Variants in UIMC1 observed in about 807,000 individuals in gnomAD.
The protein encoded by UIMC1 is ubiquitin interaction motif containing 1.
UIMC1 carries 42 observed loss-of-function variants against 84.9 expected under a neutral mutation model. That is an observed-to-expected ratio of 0.49 (90% CI 0.39 to 0.64). UIMC1 has a LOEUF of 0.64. Ranked by LOEUF, UIMC1 falls within the 30% of genes least tolerant of loss-of-function variation. UIMC1 has a pLI of 0.00. For missense variants in UIMC1, 825 were observed against 847.6 expected (o/e 0.97, Z 0.33); for synonymous variants, 281 against 293.0 (o/e 0.96, Z 0.42).
At chr5:176,931,934 A>G (rs537873349) in intron 10 of UIMC1, among the ~76,000 whole-genome samples, 1 of 152,250 alleles carries the variant, frequency 6.6e-6, no homozygotes, top group South Asian at 2.1e-4. Context: ...GATCGCACCA[A>G]TGCACTCCAG....
At chr5:176,946,623 T>C (rs1462576680) in intron 9 of UIMC1, among the ~76,000 whole-genome samples, 1 of 152,010 alleles carries the variant, frequency 6.6e-6, no homozygotes, top group African/African-American at 2.4e-5. Flanking sequence ...TCACTTGAGG[T>C]CAAGAGTTTG....
At chr5:177,005,576 GGT>G (rs1775135752) in intron 1 of UIMC1, among the ~76,000 whole-genome samples, 1 of 151,380 alleles carries the variant, frequency 6.6e-6, no homozygotes, top group Non-Finnish European at 1.5e-5. Context: ...CTGCGTCGTA[GGT>G]ATTCATATCA....
intron 10 of UIMC1, among the ~76,000 whole-genome samples, chr5:176,926,524 C>T (rs1762406875): frequency 6.6e-6 from 1 of 151,886 alleles, no homozygotes; most frequent in Non-Finnish European, 1.5e-5. Flanking sequence ...GCAGTCCTAG[C>T]TACTAGGGAG....
chr5:176,985,518 G>A (rs759851855), intron 1 of UIMC1, among the ~76,000 whole-genome samples: 1 of 150,696 alleles, frequency 6.6e-6, no homozygotes, highest in African/African-American at 2.4e-5. Flanking sequence ...TGAAATTTCA[G>A]TATCAATAAT....
In UIMC1 at chr5:176,906,015, A is replaced by C; in HGVS notation, c.1945T>G (p.Phe649Val). Residue 649 changes from phenylalanine (F) to valine (V), a missense_variant, in exon 14 of 15, where the codon TTC becomes GTC. Transcript: ENST00000511320. The stretch of plus-strand genomic sequence containing the variant: ...TCAGTGCACAATCCAATTCACCTGA[A>C]GGCTCCTGTTTCTGAAGACTTGATG... ...ADIKSSETGA[F>V]RVPSPGMEEA... 1 of 1,614,098 alleles carries C rather than the reference A, an allele frequency of 6.2e-7. No homozygotes were observed. Among genetic ancestry groups the C allele is most frequent in the Non-Finnish European group, 8.5e-7 (1 of 1,179,968 alleles).
chr5:176,946,877 T>TG (rs2149447915), intron 9 of UIMC1, among the ~76,000 whole-genome samples: 1 of 152,110 alleles, frequency 6.6e-6, no homozygotes, highest in East Asian at 1.9e-4. Context: ...AGCAGAAGGA[T>TG]GGCAGGGGGG....
intron 10 of UIMC1, among the ~76,000 whole-genome samples, chr5:176,933,941 A>C (rs1341685141): frequency 2.0e-5 from 3 of 152,182 alleles, no homozygotes; most frequent in Non-Finnish European, 4.4e-5. Flanking sequence ...CCAATCACCA[A>C]TCAGATTTAA....
chr5:177,013,265 G>C (rs906233353), intron 1 of UIMC1, among the ~76,000 whole-genome samples: 1 of 151,584 alleles, frequency 6.6e-6, no homozygotes, highest in Middle Eastern at 3.2e-3. Flanking sequence ...GAAGGCTGAG[G>C]CAGGAGAATC....
chr5:176,956,122 C>T, intron 7 of UIMC1, 87 bp from the exon 8 acceptor site: 1 of 1,207,770 alleles, frequency 8.3e-7, no homozygotes, highest in Non-Finnish European at 1.2e-6. Flanking sequence ...CTCACAAAGC[C>T]ACAGGTAATC....
At position 176,908,517 on chromosome 5, in the gene UIMC1, A is replaced by G. The variant is rs1485060943; in HGVS notation, c.1848+6T>C. ...GGTGGCCTTTCCCAAAACACTCTACACATACCTTTGGGTTCTTCAGCCTCT... is the reference window on the plus strand; with the variant it reads ...GGTGGCCTTTCCCAAAACACTCTACGCATACCTTTGGGTTCTTCAGCCTCT... On this transcript the variant is annotated splice_donor_region_variant and intron_variant, in intron 12 of 14. Coordinates refer to ENST00000511320, the MANE Select transcript of UIMC1 (RefSeq NM_001199298.2). 1.2e-6 allele frequency: 2 copies of G among 1,612,756 alleles called. No homozygotes were observed. The highest frequency in any genetic ancestry group is 2.2e-5 in the South Asian group (2 of 90,952).
At chr5:177,017,918 C>A (rs1233837271) in intron 1 of UIMC1, among the ~76,000 whole-genome samples, 1 of 152,030 alleles carries the variant, frequency 6.6e-6, no homozygotes, top group African/African-American at 2.4e-5. Flanking sequence ...TTCCAAAGTG[C>A]TGGGATTACA....
chr5:176,972,722 C>A (rs936286340), intron 3 of UIMC1, among the ~76,000 whole-genome samples: 1 of 152,072 alleles, frequency 6.6e-6, no homozygotes, highest in Non-Finnish European at 1.5e-5. Context: ...GGCGACAGAA[C>A]AAGACTCCAT....
intron 1 of UIMC1, among the ~76,000 whole-genome samples, chr5:176,994,178 C>T (rs1773267020): frequency 6.6e-6 from 1 of 151,686 alleles, no homozygotes. Context: ...TACACTCCAG[C>T]CTGAACAACA....
chr5:176,950,039 G>A (rs892960682), intron 9 of UIMC1, among the ~76,000 whole-genome samples: 6 of 148,616 alleles, frequency 4.0e-5, no homozygotes, highest in Non-Finnish European at 7.4e-5. Context: ...TGGCAGACAA[G>A]AGCAAGACTT....
intron 1 of UIMC1, among the ~76,000 whole-genome samples, chr5:177,013,041 A>G (rs1775584797): frequency 6.6e-6 from 1 of 150,978 alleles, no homozygotes. Flanking sequence ...TGATCTTACT[A>G]TTGCACTCTA....
At chr5:176,918,601 T>A (rs1297420833) in intron 10 of UIMC1, among the ~76,000 whole-genome samples, 1 of 152,210 alleles carries the variant, frequency 6.6e-6, no homozygotes, top group Non-Finnish European at 1.5e-5. Flanking sequence ...CAGGTGTCCA[T>A]TCTCTGTTCA....
intron 1 of UIMC1, among the ~76,000 whole-genome samples, chr5:176,997,892 G>C (rs1773871105): frequency 6.6e-6 from 1 of 151,998 alleles, no homozygotes; most frequent in Non-Finnish European, 1.5e-5. Flanking sequence ...CTTATGAATG[G>C]AAGATTCCCC....
chr5:176,969,890 C>CT, intron 4 of UIMC1, 184 bp from the exon 5 acceptor site: 1 of 565,372 alleles, frequency 1.8e-6, no homozygotes, highest in Admixed American at 3.0e-5. Context: ...TACTAGATCA[C>CT]TATACTAAAC....
At chr5:176,997,031 C>T (rs185046324) in intron 1 of UIMC1, among the ~76,000 whole-genome samples, 6 of 152,008 alleles carry the variant, frequency 3.9e-5, no homozygotes, top group Non-Finnish European at 8.8e-5. Context: ...TGCACGCGTG[C>T]GCACACACAC....
Sources: allele counts gnomAD v4.1 joint callset (sites outside exome capture counted in the v4.1 genomes callset), GRCh38; gene constraint gnomAD v4.1.1; transcripts MANE v1.5; gene names NCBI Gene and HGNC (gene_info 2026-07-23, HGNC 2026-07-21).